Variants in RIPOR3 observed in about 807,000 individuals in gnomAD.
RIPOR3 encodes family with sequence similarity 65 member C.
A neutral mutation model predicts 114.3 loss-of-function variants in RIPOR3; 95 were observed. That is an observed-to-expected ratio of 0.83 (90% confidence interval 0.70 to 0.99). The LOEUF (loss-of-function observed/expected upper bound fraction) is 0.99, where lower values mean the gene tolerates loss of function less well. RIPOR3 is among the 50% of genes least tolerant of loss of function. RIPOR3 has a pLI of 0.00. For synonymous variants in RIPOR3, 575 were observed against 543.8 expected (o/e 1.06, Z -0.80); for missense variants, 1,252 against 1,266.9 (o/e 0.99, Z 0.18).
At chr20:50,624,497 G>C (rs752609682) in intron 2 of RIPOR3, among the ~76,000 whole-genome samples, 6 of 152,188 alleles carry the variant, frequency 3.9e-5, no homozygotes, top group Non-Finnish European at 5.9e-5. Flanking sequence ...TCCCGGGAAA[G>C]CTCTGAGCCT....
chr20:50,590,423 C>CA (rs2083073046), intron 19 of RIPOR3, among the ~76,000 whole-genome samples: 1 of 152,248 alleles, frequency 6.6e-6, no homozygotes, highest in Non-Finnish European at 1.5e-5. Flanking sequence ...TGCCCTCACT[C>CA]AGTCGAGTGG....
At chr20:50,659,121 T>C (rs2085910483) in intron 1 of RIPOR3, among the ~76,000 whole-genome samples, 1 of 152,148 alleles carries the variant, frequency 6.6e-6, no homozygotes, top group South Asian at 2.1e-4. Context: ...AAAACCCTTT[T>C]CCTGGTATGA....
intron 1 of RIPOR3, among the ~76,000 whole-genome samples, chr20:50,633,980 C>CTTTTTTTTTTTTTTTTTTT (rs375758598): frequency 7.6e-6 from 1 of 131,038 alleles, no homozygotes; most frequent in Non-Finnish European, 1.6e-5. Context: ...TCTTTCTTTT[C>CTTTTTTTTTTTTTTTTTTT]TTTTTTTTTT....
At chr20:50,654,586 C>T (rs1003616918) in intron 1 of RIPOR3, among the ~76,000 whole-genome samples, 2 of 152,006 alleles carry the variant, frequency 1.3e-5, no homozygotes, top group Admixed American at 1.3e-4. Context: ...GGACCTAACA[C>T]ATAGGAGGCA....
chr20:50,655,843 A>G (rs2085792358), intron 1 of RIPOR3, among the ~76,000 whole-genome samples: 1 of 152,066 alleles, frequency 6.6e-6, no homozygotes, highest in Admixed American at 6.6e-5. Context: ...TTATCTTCAA[A>G]GATGCCTGCT....
intron 1 of RIPOR3, among the ~76,000 whole-genome samples, chr20:50,683,337 A>G (rs2086918877): frequency 6.6e-6 from 1 of 152,208 alleles, no homozygotes; most frequent in African/African-American, 2.4e-5. Context: ...ACAGGCATTT[A>G]TCATTTTATA....
Position 50,587,170 on chromosome 20 carries a change from T to G in RIPOR3, c.*62A>C. The G allele has an allele frequency of 7.8e-7, 1 of 1,280,486 alleles. No homozygotes were observed. Among genetic ancestry groups the G allele is most frequent in the Non-Finnish European group, 1.1e-6 (1 of 881,640 alleles). 79.3% of individuals were successfully genotyped at this position (1,280,486 alleles called of 1,614,324 possible). A position where few individuals can be genotyped will look rare whatever the true frequency, so the allele number is the denominator to read the frequency against. ...GCACCATTACCCAGAGTGCAGGCTA[T>G]GTCCAGGCTGGGCAGCAGCAAAAAA... On this transcript the variant is annotated 3_prime_UTR_variant, in exon 22 of 22. Coordinates refer to ENST00000327979, the MANE Select transcript of RIPOR3 (RefSeq NM_001290268.2).
intron 2 of RIPOR3, among the ~76,000 whole-genome samples, chr20:50,628,611 A>C (rs2084709814): frequency 1.4e-5 from 2 of 146,598 alleles, no homozygotes; most frequent in East Asian, 2.0e-4. Flanking sequence ...GCCCTCCCCC[A>C]CCCCCAGTTC....
chr20:50,665,649 T>C (rs1241235547), intron 1 of RIPOR3, among the ~76,000 whole-genome samples: 1 of 152,036 alleles, frequency 6.6e-6, no homozygotes, highest in African/African-American at 2.4e-5. Flanking sequence ...CTCGAACTCC[T>C]GACCTTGTGA....
chr20:50,608,554 G>A lies in RIPOR3; in HGVS notation c.811-20C>T, dbSNP rs368954294. ...CGTCACCTGGGGGTGGGGGCTGGAG[G>A]GTGGTGTCTGAGCCGAACACCCAGG... On this transcript the variant is annotated intron_variant, in intron 10 of 21. Transcript: ENST00000327979. 3 of 1,613,578 alleles carry A rather than the reference G, an allele frequency of 1.9e-6. No individual in the cohort carries two copies. The highest frequency in any genetic ancestry group is 2.7e-5 in the African/African-American group (2 of 74,924).
At chr20:50,656,714 G>A (rs2085824725) in intron 1 of RIPOR3, among the ~76,000 whole-genome samples, 1 of 152,076 alleles carries the variant, frequency 6.6e-6, no homozygotes, top group Non-Finnish European at 1.5e-5. Flanking sequence ...TGGTCAGGCT[G>A]GTCTCGAACT....
At chr20:50,605,598 C>T (rs943452971) in intron 11 of RIPOR3, among the ~76,000 whole-genome samples, 14 of 150,672 alleles carry the variant, frequency 9.3e-5, no homozygotes, top group Non-Finnish European at 1.5e-4. Context: ...GCAAAACCCC[C>T]GTCTCTACAA....
chr20:50,626,483 C>T (rs2123214582), intron 2 of RIPOR3, among the ~76,000 whole-genome samples: 1 of 152,328 alleles, frequency 6.6e-6, no homozygotes, highest in South Asian at 2.1e-4. Flanking sequence ...TCACCTCTGT[C>T]CTCCTTCCTC....
rs2083245740 is a variant in RIPOR3, at chr20:50,595,194, G to C, written c.2050+175C>G. 3 of 780,868 alleles carry C rather than the reference G, an allele frequency of 3.8e-6. No individual in the cohort carries two copies. The Admixed American group carries it at 7.1e-5, about 19-fold the overall frequency. 48.4% of individuals were successfully genotyped at this position (780,868 alleles called of 1,614,324 possible). On this transcript the variant is annotated intron_variant, in intron 16 of 21. Transcript: ENST00000327979. ...AGAGTGTGCTGCAACTCCAGGACTTGTCTCCCTTACCTCCCCACAAAGAGT... is the reference window on the plus strand; with the variant it reads ...AGAGTGTGCTGCAACTCCAGGACTTCTCTCCCTTACCTCCCCACAAAGAGT...
chr20:50,592,598 G>A, intron 18 of RIPOR3, 52 bp from the exon 19 acceptor site: 23 of 1,392,302 alleles, frequency 1.7e-5, no homozygotes, highest in Non-Finnish European at 2.1e-5. Context: ...GAGTTTGGCA[G>A]GACAGCTGCA....
chr20:50,688,842 C>T (rs982415549), intron 1 of RIPOR3, among the ~76,000 whole-genome samples: 3 of 152,174 alleles, frequency 2.0e-5, no homozygotes, highest in Non-Finnish European at 2.9e-5. Flanking sequence ...CAAAGGCACT[C>T]GAAATACCCC....
intron 1 of RIPOR3, among the ~76,000 whole-genome samples, chr20:50,639,918 C>A (rs2085127869): frequency 6.6e-6 from 1 of 152,178 alleles, no homozygotes; most frequent in South Asian, 2.1e-4. Context: ...TGTCCCCACA[C>A]CAGGAGCACA....
At chr20:50,667,208 C>T (rs2086278374) in intron 1 of RIPOR3, among the ~76,000 whole-genome samples, 1 of 152,112 alleles carries the variant, frequency 6.6e-6, no homozygotes, top group South Asian at 2.1e-4. Flanking sequence ...AAACCTCCAC[C>T]CCATCCCCAA....
Position 50,602,699 on chromosome 20 carries a change from T to TC in RIPOR3, c.1087-56dup. ...CAGCCACCCCAGGGACCACAGCAAG[T>TC]CCCCCAGAGGGGCTTCCCCTGACAG... On this transcript the variant is annotated intron_variant, in intron 12 of 21. Transcript: ENST00000327979. This position sits in a 1 kb window ranked among gnomAD's most constrained non-coding sequence, Gnocchi z 4.3. 1 of 1,342,412 alleles carries TC rather than the reference T, an allele frequency of 7.4e-7. No individual in the cohort carries two copies. The highest frequency in any genetic ancestry group is 2.6e-5 in the East Asian group (1 of 38,602). The allele number at this position is 1,342,412 out of a possible 1,614,324, so 83.2% of individuals were successfully genotyped here.
Sources: allele counts gnomAD v4.1 joint callset (sites outside exome capture counted in the v4.1 genomes callset), GRCh38; gene constraint gnomAD v4.1.1; non-coding constraint Gnocchi (gnomAD v3.1); transcripts MANE v1.5; gene names NCBI Gene and HGNC (gene_info 2026-07-23, HGNC 2026-07-21).